Variants in BBX observed in about 807,000 individuals in gnomAD.
BBX encodes the protein HMG box transcription factor BBX.
BBX carries 30 observed loss-of-function variants against 100.2 expected under a neutral mutation model. That is an observed-to-expected ratio of 0.30 (90% CI 0.22 to 0.41). BBX has a LOEUF of 0.41. BBX is among the 10% of genes least tolerant of loss of function. The probability of loss-of-function intolerance (pLI) is 1.00; values close to 1 mark genes in which losing one functional copy is unlikely to be tolerated. For missense variants in BBX, 1,023 were observed against 1,129.8 expected (o/e 0.91, Z 1.35); for synonymous variants, 376 against 388.1 (o/e 0.97, Z 0.37).
intron 3 of BBX, among the ~76,000 whole-genome samples, chr3:107,653,827 C>T (rs1358200887): frequency 6.6e-6 from 1 of 152,132 alleles, no homozygotes; most frequent in Non-Finnish European, 1.5e-5. Flanking sequence ...TAGCAACCTA[C>T]TGTTTATGTG....
chr3:107,733,076 C>T, intron 7 of BBX, 53 bp downstream of exon 7: 2 of 1,483,304 alleles, frequency 1.3e-6, no homozygotes, highest in Non-Finnish European at 1.9e-6. Flanking sequence ...GTTGGGAACA[C>T]AGTTATAGTC....
At chr3:107,624,579 A>G (rs1007079085) in intron 2 of BBX, among the ~76,000 whole-genome samples, 2 of 152,182 alleles carry the variant, frequency 1.3e-5, no homozygotes, top group African/African-American at 4.8e-5. Context: ...TTTTAGTTAA[A>G]AGTAGTTGGT....
intron 4 of BBX, 85 bp downstream of exon 4, chr3:107,710,707 CAA>C: frequency 2.3e-6 from 3 of 1,291,314 alleles, no homozygotes; most frequent in Non-Finnish European, 2.1e-6. Context: ...AATGATATTA[CAA>C]AAGTGTTTCC....
intron 2 of BBX, among the ~76,000 whole-genome samples, chr3:107,610,455 G>A (rs544263944): frequency 6.6e-6 from 1 of 152,100 alleles, no homozygotes; most frequent in African/African-American, 2.4e-5. Context: ...GAAGTCTGCA[G>A]CTCTTATTGG....
chr3:107,802,827 A>G (rs72943049), intron 17 of BBX, among the ~76,000 whole-genome samples: 6,349 of 152,182 alleles, frequency 0.042, 392 homozygotes, highest in African/African-American at 0.14. Context: ...CTTTCCAGAT[A>G]CGCCAAGCTC....
intron 3 of BBX, among the ~76,000 whole-genome samples, chr3:107,691,309 T>C (rs1248658607): frequency 6.6e-6 from 1 of 152,198 alleles, no homozygotes; most frequent in African/African-American, 2.4e-5. Flanking sequence ...GAATCTTTTG[T>C]AAATAAATGT....
chr3:107,646,517 G>C (rs943297971), intron 3 of BBX, among the ~76,000 whole-genome samples: 1 of 151,916 alleles, frequency 6.6e-6, no homozygotes, highest in African/African-American at 2.4e-5. Context: ...TGTCGTTTTA[G>C]GGGAAAAATT....
intron 2 of BBX, among the ~76,000 whole-genome samples, chr3:107,612,604 C>T (rs1028708974): frequency 1.3e-5 from 2 of 152,194 alleles, no homozygotes; most frequent in African/African-American, 4.8e-5. Flanking sequence ...AGTGGAATCT[C>T]TTTGTCTATG....
In BBX at chr3:107,710,451, G is replaced by C. The variant is rs1348391501; in HGVS notation, c.-9-1G>C. The C allele has an allele frequency of 1.2e-6, 2 of 1,606,576 alleles. No homozygotes were observed. Among genetic ancestry groups the C allele is most frequent in the Non-Finnish European group, 1.7e-6 (2 of 1,175,766 alleles). ...TTTCTCTCTCTCTCTTCCTATTACA[G>C]GTCACAGTAATGAAAGGCAGTAATA... On this transcript the variant is annotated splice_acceptor_variant, in intron 3 of 17. Coordinates refer to ENST00000325805, the MANE Select transcript of BBX (RefSeq NM_001142568.3). LOFTEE classifies it low-confidence loss of function (5UTR_SPLICE).
intron 3 of BBX, chr3:107,661,835 C>A: frequency 1.0e-6 from 1 of 982,858 alleles, no homozygotes; most frequent in Non-Finnish European, 1.2e-6. Context: ...CAGGCACCCT[C>A]AGGAAGACCC....
intron 2 of BBX, among the ~76,000 whole-genome samples, chr3:107,562,630 T>C (rs954053170): frequency 5.3e-5 from 8 of 152,180 alleles, no homozygotes; most frequent in Non-Finnish European, 1.2e-4. Context: ...AAGGAGACTT[T>C]TTTAATTTTG....
intron 1 of BBX, among the ~76,000 whole-genome samples, 175 bp downstream of exon 1, chr3:107,523,282 A>G (rs1031837204): frequency 1.3e-5 from 2 of 151,120 alleles, no homozygotes; most frequent in East Asian, 4.0e-4. Flanking sequence ...GACGGAGGGA[A>G]CCCCGCGCGT....
At chr3:107,751,980 T>C (rs1193106029) in intron 9 of BBX, among the ~76,000 whole-genome samples, 1 of 152,244 alleles carries the variant, frequency 6.6e-6, no homozygotes, top group African/African-American at 2.4e-5. Context: ...TGACCAGATA[T>C]AATGTCAGAA....
chr3:107,725,687 AT>A (rs2062873308), intron 5 of BBX, among the ~76,000 whole-genome samples: 1 of 152,068 alleles, frequency 6.6e-6, no homozygotes, highest in Non-Finnish European at 1.5e-5. Flanking sequence ...AGGATTTCTA[AT>A]GTATTATTCT....
At chr3:107,622,166 G>C (rs1235754922) in intron 2 of BBX, among the ~76,000 whole-genome samples, 1 of 152,118 alleles carries the variant, frequency 6.6e-6, no homozygotes, top group Non-Finnish European at 1.5e-5. Flanking sequence ...TCTTTTGGGG[G>C]CATGCCATAT....
intron 2 of BBX, among the ~76,000 whole-genome samples, chr3:107,556,926 A>T (rs1282306795): frequency 2.6e-5 from 4 of 152,172 alleles, no homozygotes; most frequent in Admixed American, 2.6e-4. Flanking sequence ...GCCAGAGCTC[A>T]GGTTTGTTGA....
chr3:107,728,945 A>T lies in BBX; in HGVS notation c.586A>T (p.Asn196Tyr), dbSNP rs764442241. Residue 196 changes from asparagine (N) to tyrosine (Y), a missense_variant, in exon 6 of 18, where the codon AAC becomes TAC. Asn to Tyr is a moderately radical substitution (Grantham distance 143). This residue lies in a region of BBX where 11 missense variants were observed against 31.6 expected (regional missense o/e 0.35). Transcript: ENST00000325805. ...AAAGACTGAAGAAATGCCTCAGCTT[A>T]ACTTTGGAATGGCTGGTGAGTTGAG... ...KAKTEEMPQL[N>Y]FGMADPTQMG... 6.2e-7 allele frequency: 1 copy of T among 1,613,446 alleles called. No homozygotes were observed. Among genetic ancestry groups the T allele is most frequent in the South Asian group, 1.1e-5 (1 of 91,012 alleles).
chr3:107,691,777 C>A (rs2060184660), intron 3 of BBX, among the ~76,000 whole-genome samples: 1 of 152,182 alleles, frequency 6.6e-6, no homozygotes, highest in African/African-American at 2.4e-5. Flanking sequence ...ACCACACCTA[C>A]CTTTATGTAA....
At chr3:107,716,101 CATATT>C (rs1351776368) in intron 4 of BBX, among the ~76,000 whole-genome samples, 1 of 152,068 alleles carries the variant, frequency 6.6e-6, no homozygotes. Flanking sequence ...TAAATAGTCT[CATATT>C]ATTAGTTGTA....
Sources: gnomAD v4.1 joint callset for allele counts (sites outside exome capture counted in the v4.1 genomes callset) on GRCh38, gnomAD v4.1.1 for gene constraint, gnomAD v4.1.1 regional missense constraint, MANE v1.5 for transcripts, NCBI Gene and HGNC (gene_info 2026-07-23, HGNC 2026-07-21) for gene names.